The following RLF variants were observed in gnomAD, a reference collection of about 807,000 sequenced individuals.
The protein encoded by RLF is zinc finger protein Rlf.
In RLF, 7 loss-of-function variants were observed where a neutral mutation model predicts 162.9. The observed-to-expected ratio is 0.04, with a 90% confidence interval of 0.02 to 0.08. The LOEUF (loss-of-function observed/expected upper bound fraction) is 0.08. RLF is among the 10% of genes least tolerant of loss of function. RLF has a pLI of 1.00. For synonymous variants in RLF, 782 were observed against 791.5 expected (o/e 0.99, Z 0.20); for missense variants, 1,664 against 2,244.7 (o/e 0.74, Z 5.23).
intron 5 of RLF, among the ~76,000 whole-genome samples, chr1:40,220,594 C>T (rs1032605905): frequency 6.6e-6 from 1 of 152,196 alleles, no homozygotes; most frequent in South Asian, 2.1e-4. Flanking sequence ...TTACTAACAA[C>T]CCTGACTAGA....
intron 6 of RLF, among the ~76,000 whole-genome samples, chr1:40,225,032 C>T (rs1449814126): frequency 6.6e-6 from 1 of 151,912 alleles, no homozygotes; most frequent in Non-Finnish European, 1.5e-5. Context: ...CACAGGAATT[C>T]TGTTCATATG....
At chr1:40,172,203 A>G (rs928731534) in intron 1 of RLF, among the ~76,000 whole-genome samples, 1 of 152,214 alleles carries the variant, frequency 6.6e-6, no homozygotes, top group African/African-American at 2.4e-5. Flanking sequence ...TACAGTACAG[A>G]GGGTTTAAGG....
At chr1:40,202,335 T>G in intron 4 of RLF, 77 bp from the exon 5 acceptor site, 2 of 895,000 alleles carry the variant, frequency 2.2e-6, no homozygotes, top group Non-Finnish European at 3.3e-6. Flanking sequence ...AATAAAAAGA[T>G]CTCAAACTTT....
At chr1:40,224,622 GCTTT>G (rs1643042317) in intron 6 of RLF, among the ~76,000 whole-genome samples, 2 of 13,518 alleles carry the variant, frequency 1.5e-4, no homozygotes, top group East Asian at 4.3e-3. Flanking sequence ...GTTTTTGAAA[GCTTT>G]TTTTTTTTTT....
In RLF at chr1:40,238,298, G is replaced by C; in HGVS notation, c.3596G>C (p.Ser1199Thr). The C allele has an allele frequency of 6.2e-7, 1 of 1,614,072 alleles. No individual in the cohort carries two copies. The highest frequency in any genetic ancestry group is 2.2e-5 in the East Asian group (1 of 44,872). Reference sequence around the variant, plus strand: ...TATAAAAATAAACATCAAATTGGCAGTGACAGAGCAACTCACAAACTATTA... The same window carrying C: ...TATAAAAATAAACATCAAATTGGCACTGACAGAGCAACTCACAAACTATTA... Reference protein sequence around the residue: ...IHYKNKHQIGSDRATHKLLDN... With the variant: ...IHYKNKHQIGTDRATHKLLDN... Residue 1199 changes from serine to threonine, a missense_variant, in exon 8 of 8, where the codon AGT becomes ACT. Transcript: ENST00000372771. This position sits in a 1 kb window ranked among gnomAD's most constrained non-coding sequence, Gnocchi z 5.2.
intron 5 of RLF, among the ~76,000 whole-genome samples, chr1:40,209,973 GC>G (rs1206641702): frequency 6.6e-6 from 1 of 151,926 alleles, no homozygotes; most frequent in Non-Finnish European, 1.5e-5. Flanking sequence ...GAGATAGATT[GC>G]TTACCTCTAA....
chr1:40,190,218 A>G (rs903518971), intron 2 of RLF, among the ~76,000 whole-genome samples: 2 of 152,048 alleles, frequency 1.3e-5, no homozygotes, highest in Non-Finnish European at 2.9e-5. Context: ...GTTGTAGTGC[A>G]TTTCTTTTTT....
chr1:40,217,973 G>C (rs537142091), intron 5 of RLF, among the ~76,000 whole-genome samples: 163 of 152,132 alleles, frequency 1.1e-3, no homozygotes, highest in African/African-American at 3.7e-3. Context: ...GTTAATACTG[G>C]TTATCATTGA....
chr1:40,238,296 C>T lies in RLF; in HGVS notation c.3594C>T (p.Gly1198=), dbSNP rs763644256. ...RIHYKNKHQI[G]SDRATHKLLD... ...ATTATAAAAATAAACATCAAATTGGCAGTGACAGAGCAACTCACAAACTAT... is the reference window on the plus strand; with the variant it reads ...ATTATAAAAATAAACATCAAATTGGTAGTGACAGAGCAACTCACAAACTAT... The change falls in exon 8 of 8, where the codon GGC becomes GGT. Residue 1198 remains glycine (G), a synonymous_variant. Transcript: ENST00000372771. This position sits in a 1 kb window ranked among gnomAD's most constrained non-coding sequence, Gnocchi z 5.2. 1.2e-6 allele frequency: 2 copies of T among 1,613,990 alleles called. No homozygotes were observed. Among genetic ancestry groups the T allele is most frequent in the Non-Finnish European group, 1.7e-6 (2 of 1,179,934 alleles).
intron 7 of RLF, among the ~76,000 whole-genome samples, chr1:40,232,534 A>G (rs1211103899): frequency 6.6e-6 from 1 of 152,076 alleles, no homozygotes; most frequent in East Asian, 1.9e-4. Context: ...ATTCTTATCG[A>G]CAGGTTTCAG....
At chr1:40,222,442 A>G (rs1054016386) in intron 5 of RLF, 132 bp from the exon 6 acceptor site, 19 of 710,272 alleles carry the variant, frequency 2.7e-5, no homozygotes, top group Non-Finnish European at 4.0e-5. Flanking sequence ...TATTCATGCA[A>G]GAAGACTCAT....
In RLF at chr1:40,240,242, T is replaced by C; in HGVS notation, c.5540T>C (p.Ile1847Thr). 1.2e-6 allele frequency: 2 copies of C among 1,614,186 alleles called. No individual in the cohort carries two copies. The highest frequency in any genetic ancestry group is 1.7e-6 in the Non-Finnish European group (2 of 1,180,028). ...HENLTAIPPLIVAETTTVPSL... is the reference protein window; with the variant it reads ...HENLTAIPPLTVAETTTVPSL... ...AACCTGACTGCAATCCCACCTTTAATAGTAGCTGAAACAACAACAGTTCCT... is the reference window on the plus strand; with the variant it reads ...AACCTGACTGCAATCCCACCTTTAACAGTAGCTGAAACAACAACAGTTCCT... The change falls in exon 8 of 8, where the codon ATA (isoleucine) becomes ACA (threonine). Residue 1847 changes from isoleucine to threonine, a missense_variant. Coordinates refer to ENST00000372771, the MANE Select transcript of RLF (RefSeq NM_012421.4).
At chr1:40,186,185 C>T (rs1486614265) in intron 1 of RLF, among the ~76,000 whole-genome samples, 2 of 151,340 alleles carry the variant, frequency 1.3e-5, no homozygotes, top group Middle Eastern at 6.3e-3. Flanking sequence ...AAGAAAATGC[C>T]TGGCTAGCCA....
chr1:40,185,416 C>T (rs1377832094), intron 1 of RLF, among the ~76,000 whole-genome samples: 2 of 146,562 alleles, frequency 1.4e-5, no homozygotes, highest in Non-Finnish European at 3.0e-5. Context: ...AGGCGTGAGC[C>T]ACCTTGCCTA....
intron 1 of RLF, among the ~76,000 whole-genome samples, chr1:40,167,935 G>A (rs775633699): frequency 3.3e-5 from 5 of 151,324 alleles, no homozygotes; most frequent in Non-Finnish European, 7.4e-5. Context: ...AGGGACATTT[G>A]GCCAGCTGTG....
At chr1:40,171,780 A>G (rs1011773588) in intron 1 of RLF, among the ~76,000 whole-genome samples, 1 of 152,126 alleles carries the variant, frequency 6.6e-6, no homozygotes, top group Admixed American at 6.6e-5. Flanking sequence ...TAATTGTGCA[A>G]ACAACTCATG....
chr1:40,179,799 CTA>C (rs1272894780), intron 1 of RLF, among the ~76,000 whole-genome samples: 1 of 152,130 alleles, frequency 6.6e-6, no homozygotes, highest in Non-Finnish European at 1.5e-5. Context: ...CTATCTGTCT[CTA>C]TGAATTTGAC....
chr1:40,170,322 C>T (rs545664178), intron 1 of RLF, among the ~76,000 whole-genome samples: 1 of 151,970 alleles, frequency 6.6e-6, no homozygotes, highest in African/African-American at 2.4e-5. Flanking sequence ...GGTGCAATCA[C>T]AGCTCACTGT....
chr1:40,196,413 G>GA (rs1367688449), intron 4 of RLF, among the ~76,000 whole-genome samples: 9 of 151,976 alleles, frequency 5.9e-5, no homozygotes, highest in Non-Finnish European at 2.9e-5. Flanking sequence ...TGAGGGCCAT[G>GA]AAAAAAGTTT....
Sources: allele counts gnomAD v4.1 joint callset (sites outside exome capture counted in the v4.1 genomes callset), GRCh38; gene constraint gnomAD v4.1.1; non-coding constraint Gnocchi (gnomAD v3.1); transcripts MANE v1.5; gene names NCBI Gene and HGNC (gene_info 2026-07-23, HGNC 2026-07-21).